The following PTPRD variants were observed in gnomAD, a reference collection of about 807,000 sequenced individuals.
PTPRD encodes the protein receptor-type tyrosine-protein phosphatase delta.
PTPRD carries 34 observed loss-of-function variants against 214.5 expected under a neutral mutation model. The ratio of observed to expected loss-of-function variants is 0.16; its 90% CI spans 0.12 to 0.21. The LOEUF (loss-of-function observed/expected upper bound fraction) is 0.21. Ranked by LOEUF, PTPRD falls within the 10% of genes least tolerant of loss-of-function variation. The probability of loss-of-function intolerance (pLI) is 1.00; values close to 1 mark genes in which losing one functional copy is unlikely to be tolerated. For synonymous variants in PTPRD, 1,128 were observed against 845.7 expected (o/e 1.33, Z -5.79); for missense variants, 2,545 against 2,398.7 (o/e 1.06, Z -1.27).
At chr9:9,918,432 C>T (rs1291933325) in intron 5 of PTPRD, among the ~76,000 whole-genome samples, 4 of 142,844 alleles carry the variant, frequency 2.8e-5, no homozygotes, top group Non-Finnish European at 4.6e-5. Flanking sequence ...AATAAAAAGA[C>T]ACCCCATGCT....
chr9:8,423,538 T>C (rs2094488291), intron 35 of PTPRD, among the ~76,000 whole-genome samples: 2 of 152,216 alleles, frequency 1.3e-5, no homozygotes, highest in African/African-American at 4.8e-5. Context: ...TATTACTATG[T>C]ATCATATTAA....
intron 3 of PTPRD, among the ~76,000 whole-genome samples, chr9:10,295,030 C>T (rs945377636): frequency 2.0e-5 from 3 of 151,924 alleles, no homozygotes; most frequent in African/African-American, 7.3e-5. Flanking sequence ...ATACGACATA[C>T]TGATAAAAGA....
intron 14 of PTPRD, among the ~76,000 whole-genome samples, chr9:8,579,171 C>G (rs920864232): frequency 4.6e-5 from 7 of 152,166 alleles, no homozygotes; most frequent in Admixed American, 6.5e-5. Context: ...ATAGAAACAA[C>G]ACAACATTTT....
intron 8 of PTPRD, among the ~76,000 whole-genome samples, chr9:9,515,093 G>A (rs1204431499): frequency 6.6e-6 from 1 of 152,036 alleles, no homozygotes. Context: ...CATTCAGGGA[G>A]CTAAAATCCT....
intron 33 of PTPRD, among the ~76,000 whole-genome samples, chr9:8,459,870 G>C (rs1453337835): frequency 6.6e-6 from 1 of 152,110 alleles, no homozygotes; most frequent in Non-Finnish European, 1.5e-5. Context: ...AAAATTGGGA[G>C]ACGATTCATT....
chr9:9,014,413 CAG>C (rs201821920), intron 11 of PTPRD, among the ~76,000 whole-genome samples: 2 of 151,954 alleles, frequency 1.3e-5, no homozygotes, highest in African/African-American at 4.8e-5. Context: ...CCTAATAGTA[CAG>C]CTTTTTACTT....
rs768568228 is a variant in PTPRD at position 8,484,206 on chromosome 9, C to T, written c.3326G>A (p.Arg1109His). The T allele has an allele frequency of 4.3e-6, 7 of 1,614,156 alleles. No individual in the cohort carries two copies. The highest frequency in any genetic ancestry group is 2.2e-5 in the East Asian group (1 of 44,880). The change falls in exon 30 of 46, where the codon CGT (arginine) becomes CAT (histidine). Residue 1109 changes from arginine to histidine, a missense_variant. Coordinates refer to ENST00000381196, the MANE Select transcript of PTPRD (RefSeq NM_002839.4). ...CTTCCCAATGAAGGCAGGCTTGGTACGTAATACATCTGGTGCAGTCTTTGC... is the reference window on the plus strand; with the variant it reads ...CTTCCCAATGAAGGCAGGCTTGGTATGTAATACATCTGGTGCAGTCTTTGC... ...VTAKTAPDVL[R>H]TKPAFIGKTN...
At chr9:9,973,403 A>G (rs2095225256) in intron 4 of PTPRD, among the ~76,000 whole-genome samples, 1 of 152,040 alleles carries the variant, frequency 6.6e-6, no homozygotes, top group South Asian at 2.1e-4. Context: ...CCCAGGAGAC[A>G]AGAGTTTTCA....
Position 8,341,727 on chromosome 9 carries a change from C to T in PTPRD, c.4913G>A (p.Gly1638Glu), listed in dbSNP as rs369304072. The stretch of plus-strand genomic sequence containing the variant: ...GAGCTCCATTCCTGTGACATTCTCT[C>T]CCGTTTCTATTTGTGTCAGCTTCTG... The part of the protein sequence containing the change: ...YIQKLTQIET[G>E]ENVTGMELEF... Residue 1638 changes from glycine to glutamate, a missense_variant, in exon 40 of 46, where the codon GGA becomes GAA. Physicochemically the swap from Gly to Glu is moderately conservative, Grantham distance 98. Coordinates refer to ENST00000381196, the MANE Select transcript of PTPRD (RefSeq NM_002839.4). 16 of 1,613,382 alleles carry T rather than the reference C, an allele frequency of 9.9e-6. No individual in the cohort carries two copies. The highest frequency in any genetic ancestry group is 1.3e-5 in the African/African-American group (1 of 74,864).
chr9:8,845,252 G>T (rs1335107995), intron 11 of PTPRD, among the ~76,000 whole-genome samples: 1 of 151,796 alleles, frequency 6.6e-6, no homozygotes, highest in Non-Finnish European at 1.5e-5. Context: ...TTATACTTTT[G>T]AAAAAGTTTG....
intron 2 of PTPRD, among the ~76,000 whole-genome samples, chr9:10,470,988 G>T (rs1230280891): frequency 1.3e-5 from 2 of 152,214 alleles, no homozygotes; most frequent in African/African-American, 2.4e-5. Context: ...ATGAGTTCAC[G>T]TCCTTTGCAG....
intron 8 of PTPRD, among the ~76,000 whole-genome samples, chr9:9,494,551 AG>A (rs1775099827): frequency 6.6e-6 from 1 of 152,236 alleles, no homozygotes; most frequent in Admixed American, 6.5e-5. Context: ...CATAAAATTC[AG>A]TTGTACTTTT....
Position 10,503,201 on chromosome 9 carries a change from AAAAAAAC to A in PTPRD, c.-600+109190_-600+109196del, listed in dbSNP as rs1184060392. ...GAGACACAGCTGCAATACAAAAAAAAAAAAAACAAAAAAAAACACCATTTTTTTCCCA... is the reference window on the plus strand; with the variant it reads ...GAGACACAGCTGCAATACAAAAAAAAAAAAAAAAACACCATTTTTTTCCCA... On this transcript the variant is annotated intron_variant, in intron 2 of 45. Coordinates refer to ENST00000381196, the MANE Select transcript of PTPRD (RefSeq NM_002839.4). 2.3e-4 allele frequency among the ~76,000 whole-genome samples: 31 copies of A among 134,596 alleles called. 1 individual carries two copies. The highest frequency in any genetic ancestry group is 4.5e-4 in the South Asian group (2 of 4,476). 88.3% of individuals were successfully genotyped at this position (134,596 alleles called of 152,430 possible).
intron 43 of PTPRD, 58 bp from the exon 44 acceptor site, chr9:8,331,794 A>G: frequency 1.3e-6 from 2 of 1,511,988 alleles, no homozygotes; most frequent in Admixed American, 2.3e-5. Context: ...GGATTCAGCA[A>G]GCATACGGAC....
intron 11 of PTPRD, among the ~76,000 whole-genome samples, chr9:8,879,472 A>G (rs7023424): frequency 0.12 from 18,080 of 152,160 alleles, 1,341 homozygotes; most frequent in East Asian, 0.35. Flanking sequence ...AAGCACAATG[A>G]TGAGAAAACA....
At chr9:9,005,242 T>C (rs1239495074) in intron 11 of PTPRD, among the ~76,000 whole-genome samples, 1 of 152,026 alleles carries the variant, frequency 6.6e-6, no homozygotes, top group East Asian at 1.9e-4. Context: ...GCATTTTGAA[T>C]GATATAGAAG....
chr9:8,470,047 T>G (rs943045277), intron 31 of PTPRD, among the ~76,000 whole-genome samples: 4 of 152,144 alleles, frequency 2.6e-5, no homozygotes, highest in Admixed American at 2.6e-4. Context: ...AATAAAAGAT[T>G]GTACTACAAG....
chr9:8,811,241 C>G (rs554972122), intron 11 of PTPRD, among the ~76,000 whole-genome samples: 6 of 152,256 alleles, frequency 3.9e-5, no homozygotes, highest in Admixed American at 3.9e-4. Context: ...CCCTTCCCGA[C>G]AACTTCCCAG....
intron 6 of PTPRD, among the ~76,000 whole-genome samples, chr9:9,760,786 T>C (rs1324576489): frequency 6.6e-6 from 1 of 152,012 alleles, no homozygotes; most frequent in Non-Finnish European, 1.5e-5. Flanking sequence ...AGTAACCACA[T>C]GAAAAGACGT....
Sources: gnomAD v4.1 joint callset for allele counts (sites outside exome capture counted in the v4.1 genomes callset) on GRCh38, gnomAD v4.1.1 for gene constraint, MANE v1.5 for transcripts, NCBI Gene and HGNC (gene_info 2026-07-23, HGNC 2026-07-21) for gene names.